IQCM: variants seen among roughly 807,000 people sequenced by gnomAD.
IQCM encodes IQ domain-containing protein M.
Under a neutral mutation model 57.6 loss-of-function variants are expected in IQCM, and 45 were observed. The observed-to-expected ratio is 0.78, with a 90% CI of 0.62 to 1.00. IQCM has a LOEUF of 1.00. IQCM is among the 50% of genes least tolerant of loss of function. IQCM has a pLI of 0.00. For missense variants in IQCM, 468 were observed against 511.6 expected, an observed-to-expected ratio of 0.91 and a Z score of 0.82; for synonymous variants, 148 against 158.9, an observed-to-expected ratio of 0.93 and a Z score of 0.51.
chr4:149,358,081 C>T lies in IQCM; in HGVS notation c.1391-6015G>A, dbSNP rs554888146. 3.9e-5 allele frequency among the ~76,000 whole-genome samples: 6 copies of T among 152,222 alleles called. No individual in the cohort carries two copies. In the South Asian group the frequency reaches 6.2e-4, roughly 16 times the overall value. On this transcript the variant is annotated intron_variant, in intron 13 of 13. Coordinates refer to ENST00000636793, the MANE Select transcript of IQCM (RefSeq NM_001363507.2). ...ATGGTAGTTTGTATTTCTGTGGGATCGGTGGTGATATCCCCTTTATCATTT... is the reference window on the plus strand; with the variant it reads ...ATGGTAGTTTGTATTTCTGTGGGATTGGTGGTGATATCCCCTTTATCATTT...
In IQCM at chr4:149,452,811, G is replaced by C. The variant is rs191898534; in HGVS notation, c.1229-19254C>G. Among the ~76,000 whole-genome samples the C allele has an allele frequency of 2.6e-5, 4 of 151,194 alleles. No individual in the cohort carries two copies. In the East Asian group the frequency reaches 7.8e-4, roughly 29 times the overall value. On this transcript the variant is annotated intron_variant, in intron 12 of 13. Transcript: ENST00000636793. Reference sequence around the variant, plus strand: ...ATTGTCAACTAGGGCTTAATAAAGTGGTTAAACAACTTAAATAAAGTAGAT... The same window carrying C: ...ATTGTCAACTAGGGCTTAATAAAGTCGTTAAACAACTTAAATAAAGTAGAT...
At chr4:149,677,267 C>T (rs1441070797) in intron 7 of IQCM, among the ~76,000 whole-genome samples, 2 of 152,120 alleles carry the variant, frequency 1.3e-5, no homozygotes, top group Non-Finnish European at 2.9e-5. Context: ...CTACTATCTC[C>T]AGCTCTGGAA....
chr4:149,486,212 T>C (rs1741489980), intron 12 of IQCM, among the ~76,000 whole-genome samples: 2 of 152,036 alleles, frequency 1.3e-5, no homozygotes, highest in South Asian at 4.1e-4. Flanking sequence ...GGGCATCAAG[T>C]TCTTCCAGGC....
intron 13 of IQCM, among the ~76,000 whole-genome samples, chr4:149,424,988 T>C (rs1247073552): frequency 2.6e-5 from 4 of 152,000 alleles, no homozygotes; most frequent in Non-Finnish European, 5.9e-5. Context: ...ATGTTTGCTC[T>C]AGAGTTAGAA....
chr4:149,484,166 A>T (rs1463149534), intron 12 of IQCM, among the ~76,000 whole-genome samples: 3 of 151,880 alleles, frequency 2.0e-5, no homozygotes, highest in Admixed American at 6.6e-5. Context: ...CCATCCCTGA[A>T]ATACATATTT....
intron 12 of IQCM, among the ~76,000 whole-genome samples, chr4:149,540,153 G>A (rs1314790561): frequency 6.8e-6 from 1 of 147,052 alleles, no homozygotes; most frequent in Non-Finnish European, 1.5e-5. Flanking sequence ...CAGAAGAAAG[G>A]CCATGTGAGG....
chr4:149,476,322 T>A (rs1022778208), intron 12 of IQCM, among the ~76,000 whole-genome samples: 6 of 152,160 alleles, frequency 3.9e-5, no homozygotes, highest in African/African-American at 1.4e-4. Context: ...TCAAAATGAA[T>A]CTTAGTTTCC....
At chr4:149,358,001 C>T (rs977776450) in intron 13 of IQCM, among the ~76,000 whole-genome samples, 2 of 152,096 alleles carry the variant, frequency 1.3e-5, no homozygotes, top group Non-Finnish European at 2.9e-5. Flanking sequence ...GGAATTTATC[C>T]ATTTCTTCTA....
At chr4:149,361,173 G>A (rs192126412) in intron 13 of IQCM, among the ~76,000 whole-genome samples, 9 of 152,292 alleles carry the variant, frequency 5.9e-5, no homozygotes, top group East Asian at 5.8e-4. Flanking sequence ...TAGGGTATCC[G>A]GTGGAAGAAA....
chr4:149,542,767 A>T (rs1747984213), intron 12 of IQCM, among the ~76,000 whole-genome samples: 1 of 152,156 alleles, frequency 6.6e-6, no homozygotes, highest in Non-Finnish European at 1.5e-5. Context: ...TGTAAGAATT[A>T]TTTATGAATA....
intron 13 of IQCM, among the ~76,000 whole-genome samples, chr4:149,366,060 A>G (rs1047856496): frequency 1.1e-4 from 17 of 152,120 alleles, no homozygotes; most frequent in African/African-American, 3.9e-4. Context: ...GGAATTCTGT[A>G]TTATCTTTGT....
intron 2 of IQCM, among the ~76,000 whole-genome samples, chr4:149,765,272 G>T (rs896468351): frequency 1.3e-5 from 2 of 152,046 alleles, no homozygotes; most frequent in Non-Finnish European, 2.9e-5. Context: ...AATAAAGGTG[G>T]CATTATTATG....
chr4:149,374,152 G>A (rs1730552441), intron 13 of IQCM, among the ~76,000 whole-genome samples: 1 of 152,130 alleles, frequency 6.6e-6, no homozygotes, highest in Non-Finnish European at 1.5e-5. Flanking sequence ...TAGACACCAA[G>A]GTGGTAGCAC....
chr4:149,663,007 T>C (rs1760360970), intron 7 of IQCM, among the ~76,000 whole-genome samples: 1 of 152,016 alleles, frequency 6.6e-6, no homozygotes, highest in African/African-American at 2.4e-5. Flanking sequence ...CCTCTCTAGA[T>C]TGGTGGTTTT....
rs1349776467 is a variant in IQCM, at chr4:149,587,931, TG to T, written c.747del (p.Arg250GlyfsTer2). 1 of 1,210,864 alleles carries T rather than the reference TG, an allele frequency of 8.3e-7. No individual in the cohort carries two copies. Among genetic ancestry groups the T allele is most frequent in the African/African-American group, 1.6e-5 (1 of 63,754 alleles). The allele number at this position is 1,210,864 out of a possible 1,614,324, so 75.0% of individuals were successfully genotyped here. ...QPIKPEPKSQ[P>X]RIKGTPNKTD... The stretch of plus-strand genomic sequence containing the variant: ...TTTTCTATTATATAAAAGATATACC[TG>T]GGTTGTGATTTTGGTTCTGGCTTGA... On this transcript the variant is annotated frameshift_variant and splice_region_variant, in exon 9 of 14. Transcript: ENST00000636793. LOFTEE classifies it high-confidence loss of function.
At chr4:149,526,561 A>G (rs933320498) in intron 12 of IQCM, among the ~76,000 whole-genome samples, 1 of 152,078 alleles carries the variant, frequency 6.6e-6, no homozygotes, top group African/African-American at 2.4e-5. Context: ...CATTACACAA[A>G]TGGAAATTTA....
intron 7 of IQCM, among the ~76,000 whole-genome samples, chr4:149,655,420 A>C (rs758213321): frequency 1.1e-4 from 16 of 152,156 alleles, no homozygotes; most frequent in Non-Finnish European, 1.8e-4. Context: ...TGCCAGCATG[A>C]AAAATTTTGT....
chr4:149,796,223 A>G (rs1032860042), intron 2 of IQCM, among the ~76,000 whole-genome samples: 1 of 152,196 alleles, frequency 6.6e-6, no homozygotes, highest in Admixed American at 6.5e-5. Context: ...CATCACCACA[A>G]GCTGACTGAG....
At chr4:149,600,018 TGGATTTTAA>T (rs1754132421) in intron 8 of IQCM, among the ~76,000 whole-genome samples, 1 of 152,200 alleles carries the variant, frequency 6.6e-6, no homozygotes, top group Non-Finnish European at 1.5e-5. Flanking sequence ...TTCCCACCTT[TGGATTTTAA>T]GGGAGCCCCC....
Sources: gnomAD v4.1 joint callset for allele counts (sites outside exome capture counted in the v4.1 genomes callset) on GRCh38, gnomAD v4.1.1 for gene constraint, MANE v1.5 for transcripts, NCBI Gene and HGNC (gene_info 2026-07-23, HGNC 2026-07-21) for gene names.